The following GABRG1 variants were observed in gnomAD, a reference collection of about 807,000 sequenced individuals.
GABRG1 encodes the protein gamma-aminobutyric acid receptor subunit gamma-1.
A neutral mutation model predicts 49.8 loss-of-function variants in GABRG1; 49 were observed. That is an observed-to-expected ratio of 0.98 (90% CI 0.78 to 1.25). The LOEUF is 1.25. Ranked by LOEUF, GABRG1 falls within the 50% of genes most tolerant of loss-of-function variation. The pLI is 0.00. For missense variants in GABRG1, 552 were observed against 552.3 expected (o/e 1.00, Z 0.01); for synonymous variants, 232 against 185.1 (o/e 1.25, Z -2.06).
In GABRG1 at chr4:46,037,796, A is replaced by C. The variant is rs1717587158; in HGVS notation, c.*3192T>G. ...CTTGTAAAATCAAAGTGTTTTGTGTATTTTTCACAAATTTTGACCTGGAAT... is the reference window on the plus strand; with the variant it reads ...CTTGTAAAATCAAAGTGTTTTGTGTCTTTTTCACAAATTTTGACCTGGAAT... On this transcript the variant is annotated 3_prime_UTR_variant, in exon 9 of 9. Transcript: ENST00000295452. The C allele has an allele frequency of 6.6e-6, 1 of 151,630 alleles. No individual in the cohort carries two copies. Among genetic ancestry groups the C allele is most frequent in the African/African-American group, 2.4e-5 (1 of 41,382 alleles). The allele number at this position is 151,630 out of a possible 1,614,324, so 9.4% of individuals were successfully genotyped here.
intron 4 of GABRG1, among the ~76,000 whole-genome samples, chr4:46,065,159 T>C (rs1421405222): frequency 6.6e-6 from 1 of 152,160 alleles, no homozygotes; most frequent in African/African-American, 2.4e-5. Flanking sequence ...AAGAATTTTT[T>C]CTCTTTGCTT....
In GABRG1 at chr4:46,039,269, A is replaced by T. The variant is rs1253577397; in HGVS notation, c.*1719T>A. 1.3e-5 allele frequency: 2 copies of T among 151,552 alleles called. No homozygotes were observed. Among genetic ancestry groups the T allele is most frequent in the African/African-American group, 4.8e-5 (2 of 41,374 alleles). 9.4% of individuals were successfully genotyped at this position (151,552 alleles called of 1,614,324 possible). On this transcript the variant is annotated 3_prime_UTR_variant, in exon 9 of 9. Coordinates refer to ENST00000295452, the MANE Select transcript of GABRG1 (RefSeq NM_173536.4). ...TTCAAGAAAAGCAGTGTCGGTGGAT[A>T]TTGGGCATTACCATTTGATTCATGC... is the stretch of plus-strand genomic sequence containing the variant.
chr4:46,038,883 T>C lies in GABRG1; in HGVS notation c.*2105A>G, dbSNP rs548956410. 1 of 151,794 alleles carries C rather than the reference T, an allele frequency of 6.6e-6. No homozygotes were observed. Among genetic ancestry groups the C allele is most frequent in the East Asian group, 1.9e-4 (1 of 5,166 alleles). 9.4% of individuals were successfully genotyped at this position (151,794 alleles called of 1,614,324 possible). A position where few individuals can be genotyped will look rare whatever the true frequency, so the allele number is the denominator to read the frequency against. ...TTGTCAACATTTAAAACCAAGTTAATGAAACACCAGTGAGAAAATCAAAGC... is the reference window on the plus strand; with the variant it reads ...TTGTCAACATTTAAAACCAAGTTAACGAAACACCAGTGAGAAAATCAAAGC... On this transcript the variant is annotated 3_prime_UTR_variant, in exon 9 of 9. Coordinates refer to ENST00000295452, the MANE Select transcript of GABRG1 (RefSeq NM_173536.4).
At chr4:46,103,143 A>G (rs1720435989) in intron 1 of GABRG1, among the ~76,000 whole-genome samples, 1 of 151,570 alleles carries the variant, frequency 6.6e-6, no homozygotes, top group African/African-American at 2.4e-5. Flanking sequence ...AGCTTCTTCC[A>G]TTAATCTGTT....
intron 3 of GABRG1, among the ~76,000 whole-genome samples, chr4:46,076,739 T>TA (rs1184084292): frequency 2.0e-5 from 3 of 151,520 alleles, no homozygotes; most frequent in African/African-American, 2.4e-5. Flanking sequence ...TACTAACCCA[T>TA]AAAAAACTAA....
chr4:46,117,610 C>CTATA (rs1251891612), intron 1 of GABRG1, among the ~76,000 whole-genome samples: 19 of 139,746 alleles, frequency 1.4e-4, no homozygotes, highest in African/African-American at 4.3e-4. Context: ...CTCTCTCTCT[C>CTATA]TCTATATATA....
intron 3 of GABRG1, among the ~76,000 whole-genome samples, chr4:46,081,288 C>T (rs1719558072): frequency 1.3e-5 from 2 of 151,826 alleles, no homozygotes; most frequent in African/African-American, 4.8e-5. Context: ...ATCTTAGCCC[C>T]TAATTTAAGA....
chr4:46,116,284 T>C (rs1313796642), intron 1 of GABRG1, among the ~76,000 whole-genome samples: 2 of 150,826 alleles, frequency 1.3e-5, no homozygotes, highest in Non-Finnish European at 3.0e-5. Context: ...TTATAGTCTA[T>C]TTAAAAAATG....
chr4:46,045,003 T>A (rs1717937796), intron 8 of GABRG1, among the ~76,000 whole-genome samples: 1 of 152,006 alleles, frequency 6.6e-6, no homozygotes. Flanking sequence ...CAAACACACG[T>A]ATGAAAGTAA....
At chr4:46,051,699 C>A in intron 7 of GABRG1, 61 bp from the exon 8 acceptor site, 11 of 1,047,094 alleles carry the variant, frequency 1.1e-5, no homozygotes, top group Non-Finnish European at 1.4e-5. Context: ...ATTCTTCCAT[C>A]TGATTTGGCA....
At position 46,039,791 on chromosome 4, in the gene GABRG1, A is replaced by C. The variant is rs1301398298; in HGVS notation, c.*1197T>G. The C allele has an allele frequency of 6.6e-6, 1 of 151,736 alleles. No homozygotes were observed. Among genetic ancestry groups the C allele is most frequent in the African/African-American group, 2.4e-5 (1 of 41,402 alleles). 9.4% of individuals were successfully genotyped at this position (151,736 alleles called of 1,614,324 possible). ...TTAGAGAGCACTCACATTCATGTTC[A>C]TTAAAGATGCCTCTAACAAAACTCC... On this transcript the variant is annotated 3_prime_UTR_variant, in exon 9 of 9. Coordinates refer to ENST00000295452, the MANE Select transcript of GABRG1 (RefSeq NM_173536.4).
At chr4:46,053,629 G>C (rs116319268) in intron 7 of GABRG1, among the ~76,000 whole-genome samples, 1 of 152,054 alleles carries the variant, frequency 6.6e-6, no homozygotes, top group African/African-American at 2.4e-5. Flanking sequence ...GGTTTCCAAA[G>C]TGTTTCTTGG....
rs752448120 is a variant in GABRG1, at chr4:46,051,497, G to T, written c.1058C>A (p.Thr353Asn). The T allele has an allele frequency of 2.4e-5, 39 of 1,611,202 alleles. No homozygotes were observed. Among genetic ancestry groups the T allele is most frequent in the East Asian group, 4.5e-5 (2 of 44,720 alleles). ...FVFAALMEYG[T>N]LHYFTSNQKG... ...TTGGTTGCTGGTAAAATAATGCAAG[G>T]TTCCATATTCCATCAAGGCTGCAAA... is the stretch of plus-strand genomic sequence containing the variant. The change falls in exon 8 of 9, where the codon ACC becomes AAC. Residue 353 changes from threonine to asparagine, a missense_variant. Thr to Asn is a moderately conservative substitution (Grantham distance 65). Coordinates refer to ENST00000295452, the MANE Select transcript of GABRG1 (RefSeq NM_173536.4).
chr4:46,057,024 G>T (rs1718479604), intron 7 of GABRG1, among the ~76,000 whole-genome samples: 1 of 152,042 alleles, frequency 6.6e-6, no homozygotes, highest in Middle Eastern at 3.2e-3. Flanking sequence ...AAACAGTTAT[G>T]CATAGTGGTT....
At chr4:46,066,463 A>AATC (rs1318728938) in intron 3 of GABRG1, among the ~76,000 whole-genome samples, 1 of 152,208 alleles carries the variant, frequency 6.6e-6, no homozygotes, top group Non-Finnish European at 1.5e-5. Flanking sequence ...GTACTACTAT[A>AATC]ATCATTATTT....
chr4:46,093,803 A>C (rs955464793), intron 2 of GABRG1, among the ~76,000 whole-genome samples: 1 of 152,002 alleles, frequency 6.6e-6, no homozygotes, highest in African/African-American at 2.4e-5. Context: ...TGTACCTAAA[A>C]CAGTTTCAAT....
intron 2 of GABRG1, among the ~76,000 whole-genome samples, chr4:46,094,854 G>A (rs1720116166): frequency 1.3e-5 from 2 of 151,654 alleles, no homozygotes. Context: ...AAATTAAAAG[G>A]ACAAAATAAT....
At chr4:46,122,860 G>A (rs939913003) in intron 1 of GABRG1, among the ~76,000 whole-genome samples, 1 of 151,852 alleles carries the variant, frequency 6.6e-6, no homozygotes, top group Admixed American at 6.6e-5. Context: ...AAGTTGCATG[G>A]TATGAGTACC....
At chr4:46,043,152 C>T (rs1717849292) in intron 8 of GABRG1, among the ~76,000 whole-genome samples, 1 of 151,796 alleles carries the variant, frequency 6.6e-6, no homozygotes, top group Non-Finnish European at 1.5e-5. Flanking sequence ...AAAACACATT[C>T]CATATATGAA....
Sources: allele counts gnomAD v4.1 joint callset (sites outside exome capture counted in the v4.1 genomes callset), GRCh38; gene constraint gnomAD v4.1.1; transcripts MANE v1.5; gene names NCBI Gene and HGNC (gene_info 2026-07-23, HGNC 2026-07-21).